Variants in OPCML observed in about 807,000 individuals in gnomAD.
The protein encoded by OPCML is opioid binding protein/cell adhesion molecule like.
In OPCML, 13 loss-of-function variants were observed where a neutral mutation model predicts 37.8. The observed-to-expected ratio is 0.34, with a 90% confidence interval of 0.22 to 0.55. OPCML has a LOEUF of 0.55. Among genes scored for constraint, OPCML ranks in the 20% least tolerant of loss-of-function variants. The probability of loss-of-function intolerance (pLI) is 0.91; values close to 1 mark genes in which losing one functional copy is unlikely to be tolerated. For synonymous variants in OPCML, 176 were observed against 168.8 expected, an observed-to-expected ratio of 1.04 and a Z score of -0.33; for missense variants, 341 against 435.6, an observed-to-expected ratio of 0.78 and a Z score of 1.93.
chr11:132,713,118 T>C (rs913426801), intron 2 of OPCML, among the ~76,000 whole-genome samples: 1 of 152,216 alleles, frequency 6.6e-6, no homozygotes, highest in African/African-American at 2.4e-5. Context: ...CTTTAAAATT[T>C]TGAGGGAGCC....
chr11:133,012,129 C>T (rs114304431), intron 1 of OPCML, among the ~76,000 whole-genome samples: 265 of 152,202 alleles, frequency 1.7e-3, no homozygotes, highest in African/African-American at 6.0e-3. Flanking sequence ...TTTGTTGTCA[C>T]GGCTCCGGAG....
chr11:132,739,425 T>C (rs1945367038), intron 2 of OPCML, among the ~76,000 whole-genome samples: 1 of 152,164 alleles, frequency 6.6e-6, no homozygotes, highest in Admixed American at 6.5e-5. Flanking sequence ...AAAGTTTTTT[T>C]CCTCCCTAAC....
chr11:133,373,064 AG>A (rs1944708036), intron 1 of OPCML, among the ~76,000 whole-genome samples: 1 of 152,164 alleles, frequency 6.6e-6, no homozygotes, highest in Non-Finnish European at 1.5e-5. Flanking sequence ...GAAAAGACAA[AG>A]AAAAAAATTA....
chr11:133,036,349 A>T (rs1947783705), intron 1 of OPCML, among the ~76,000 whole-genome samples: 1 of 152,250 alleles, frequency 6.6e-6, no homozygotes, highest in Non-Finnish European at 1.5e-5. Flanking sequence ...AGCTGCTAAG[A>T]TTGCAAAGAT....
chr11:133,419,515 C>T (rs1156908908), intron 1 of OPCML: 4 of 174,568 alleles, frequency 2.3e-5, no homozygotes, highest in African/African-American at 9.6e-5. Context: ...AAAGCCATTA[C>T]TTTCAAATTA....
chr11:133,136,843 G>T (rs550747312), intron 1 of OPCML, among the ~76,000 whole-genome samples: 170 of 137,300 alleles, frequency 1.2e-3, no homozygotes, highest in African/African-American at 4.8e-3. Context: ...GTGTGTGTGT[G>T]TGTGTGTGTG....
chr11:132,944,981 G>T (rs2136683824), intron 1 of OPCML, among the ~76,000 whole-genome samples: 1 of 152,324 alleles, frequency 6.6e-6, no homozygotes, highest in Non-Finnish European at 1.5e-5. Flanking sequence ...GTTGCTGAAG[G>T]ATACAAAGGC....
chr11:133,458,589 A>G (rs1946766715), intron 1 of OPCML, among the ~76,000 whole-genome samples: 1 of 119,600 alleles, frequency 8.4e-6, no homozygotes. Flanking sequence ...GTGTACACAT[A>G]TATACACGTG....
At chr11:132,985,193 A>G (rs1458562632) in intron 1 of OPCML, among the ~76,000 whole-genome samples, 1 of 152,140 alleles carries the variant, frequency 6.6e-6, no homozygotes, top group Non-Finnish European at 1.5e-5. Context: ...TTGAAACAAC[A>G]TGTTTGTTTT....
At chr11:133,082,877 G>A (rs1246127630) in intron 1 of OPCML, among the ~76,000 whole-genome samples, 3 of 150,166 alleles carry the variant, frequency 2.0e-5, no homozygotes, top group East Asian at 2.1e-4. Flanking sequence ...AGCCGACCTC[G>A]TCCCAGGCAG....
chr11:132,719,196 C>T (rs568483838), intron 2 of OPCML, among the ~76,000 whole-genome samples: 30 of 152,346 alleles, frequency 2.0e-4, no homozygotes, highest in African/African-American at 7.2e-4. Flanking sequence ...GACACTACCG[C>T]AGTCAGGACA....
intron 1 of OPCML, among the ~76,000 whole-genome samples, chr11:133,054,039 GTCA>G (rs1398264752): frequency 6.6e-6 from 1 of 152,192 alleles, no homozygotes; most frequent in Non-Finnish European, 1.5e-5. Flanking sequence ...AACCCTAGAT[GTCA>G]TCTTTGATTC....
At chr11:132,431,896 C>T (rs1463830702) in intron 7 of OPCML, among the ~76,000 whole-genome samples, 4 of 152,058 alleles carry the variant, frequency 2.6e-5, no homozygotes, top group Middle Eastern at 3.2e-3. Context: ...TAGGAGCATA[C>T]GGGTTGCAAA....
intron 1 of OPCML, among the ~76,000 whole-genome samples, chr11:133,200,251 G>A (rs188239852): frequency 6.6e-5 from 10 of 152,324 alleles, no homozygotes; most frequent in Admixed American, 1.3e-4. Context: ...TGCATGTCAC[G>A]TGGGCAGAGA....
At chr11:132,954,777 C>T (rs1945942797) in intron 1 of OPCML, among the ~76,000 whole-genome samples, 1 of 151,994 alleles carries the variant, frequency 6.6e-6, no homozygotes, top group South Asian at 2.1e-4. Context: ...AGAAATGTGG[C>T]ATTAAGTGTG....
At chr11:133,031,334 G>T (rs993547540) in intron 1 of OPCML, among the ~76,000 whole-genome samples, 25 of 152,082 alleles carry the variant, frequency 1.6e-4, no homozygotes, top group African/African-American at 6.0e-4. Context: ...TGGATGGATT[G>T]ATGGGTGTAT....
chr11:132,604,704 A>C (rs1214701409), intron 3 of OPCML, among the ~76,000 whole-genome samples: 1 of 152,194 alleles, frequency 6.6e-6, no homozygotes, highest in Non-Finnish European at 1.5e-5. Flanking sequence ...AAAATGCAGA[A>C]TCGACTTTGT....
chr11:133,269,706 T>C (rs369961209), intron 1 of OPCML, among the ~76,000 whole-genome samples: 8 of 152,146 alleles, frequency 5.3e-5, no homozygotes, highest in African/African-American at 1.9e-4. Context: ...ATTCCAGAAA[T>C]GGACAATATC....
chr11:132,719,807 A>G (rs542718226), intron 2 of OPCML, among the ~76,000 whole-genome samples: 4 of 152,226 alleles, frequency 2.6e-5, no homozygotes, highest in Non-Finnish European at 4.4e-5. Context: ...ACAGATAGGC[A>G]GGGGCCAGGT....
Sources: gnomAD v4.1 joint callset for allele counts (sites outside exome capture counted in the v4.1 genomes callset) on GRCh38, gnomAD v4.1.1 for gene constraint, MANE v1.5 for transcripts, NCBI Gene and HGNC (gene_info 2026-07-23, HGNC 2026-07-21) for gene names.